Variants in MGAT5B observed in about 807,000 individuals in gnomAD.
MGAT5B encodes the protein N-acetylglucosaminyl-transferase Vb.
A neutral mutation model predicts 95.1 loss-of-function variants in MGAT5B; 54 were observed. The observed-to-expected ratio is 0.57, with a 90% CI of 0.46 to 0.71. MGAT5B has a LOEUF of 0.71. MGAT5B is among the 30% of genes least tolerant of loss of function. The pLI is 0.00. For missense variants in MGAT5B, 935 were observed against 1,088.6 expected, an observed-to-expected ratio of 0.86 and a Z score of 1.99; for synonymous variants, 464 against 451.0, an observed-to-expected ratio of 1.03 and a Z score of -0.36.
At chr17:76,926,485 G>A in intron 9 of MGAT5B, 112 bp from the exon 10 acceptor site, 1 of 1,056,484 alleles carries the variant, frequency 9.5e-7, no homozygotes, top group Non-Finnish European at 1.4e-6. Context: ...CACACACTGT[G>A]CTACTCTGAC....
Position 76,869,119 on chromosome 17 carries a change from T to A in MGAT5B, c.68+22T>A. 6.2e-7 allele frequency: 1 copy of A among 1,611,466 alleles called. No homozygotes were observed. On this transcript the variant is annotated intron_variant, in intron 1 of 17. Coordinates refer to ENST00000569840, the MANE Select transcript of MGAT5B (RefSeq NM_001199172.2). This position sits in a 1 kb window ranked among gnomAD's most constrained non-coding sequence, Gnocchi z 7.0. ...TTCGGTAAAGTTCCCTCCTGGTTGGTTTTTTCCCCAGGGGGGCGCCGGGTG... is the reference window on the plus strand; with the variant it reads ...TTCGGTAAAGTTCCCTCCTGGTTGGATTTTTCCCCAGGGGGGCGCCGGGTG...
intron 11 of MGAT5B, among the ~76,000 whole-genome samples, 194 bp from the exon 12 acceptor site, chr17:76,933,098 G>T (rs771227335): frequency 4.5e-4 from 69 of 152,226 alleles, no homozygotes; most frequent in Admixed American, 1.4e-3. Context: ...GTGGATGGGG[G>T]GGTGGTCAGG....
At chr17:76,936,145 C>T (rs761573283) in intron 12 of MGAT5B, among the ~76,000 whole-genome samples, 1 of 151,736 alleles carries the variant, frequency 6.6e-6, no homozygotes. Context: ...CGGTGGCTCA[C>T]GCCTGTAATC....
intron 15 of MGAT5B, 172 bp from the exon 16 acceptor site, chr17:76,946,204 G>T: frequency 1.8e-6 from 1 of 556,532 alleles, no homozygotes; most frequent in Admixed American, 3.3e-5. Flanking sequence ...GGTGTGCGGG[G>T]AACGGGGACT....
chr17:76,884,236 G>A (rs565559181), intron 3 of MGAT5B, among the ~76,000 whole-genome samples: 2 of 152,260 alleles, frequency 1.3e-5, no homozygotes, highest in East Asian at 3.9e-4. Flanking sequence ...TAATCTCCCA[G>A]AGGAAGAAAC....
intron 8 of MGAT5B, among the ~76,000 whole-genome samples, chr17:76,921,740 G>C (rs571120833): frequency 6.6e-6 from 1 of 152,156 alleles, no homozygotes; most frequent in Non-Finnish European, 1.5e-5. Flanking sequence ...GGGAAGCCTC[G>C]GAAAGGGTCA....
At position 76,870,752 on chromosome 17, in the gene MGAT5B, G is replaced by A. The variant is rs1375265576; in HGVS notation, c.68+1655G>A. 6.6e-6 allele frequency among the ~76,000 whole-genome samples: 1 copy of A among 152,078 alleles called. No individual in the cohort carries two copies. The highest frequency in any genetic ancestry group is 2.4e-5 in the African/African-American group (1 of 41,414). ...GTGAGTCCCTTCAGTTGAGGTGGGG[G>A]GCAGGCTGCAATCATAGCACCCCAG... On this transcript the variant is annotated intron_variant, in intron 1 of 17. Transcript: ENST00000569840. The surrounding 1 kb of genome is among the most constrained non-coding windows in gnomAD (Gnocchi z 5.0).
intron 13 of MGAT5B, among the ~76,000 whole-genome samples, chr17:76,939,025 T>TGA (rs1969766470): frequency 7.8e-6 from 1 of 128,882 alleles, no homozygotes; most frequent in Non-Finnish European, 1.6e-5. Flanking sequence ...CAAGGCATCT[T>TGA]GGGGGTGTGT....
chr17:76,875,981 GA>G (rs1407118578), intron 2 of MGAT5B, among the ~76,000 whole-genome samples: 1 of 152,094 alleles, frequency 6.6e-6, no homozygotes, highest in African/African-American at 2.4e-5. Context: ...GGAGGAGACA[GA>G]CAAGAAAAGG....
At chr17:76,925,632 A>G (rs1969289150) in intron 9 of MGAT5B, among the ~76,000 whole-genome samples, 1 of 152,054 alleles carries the variant, frequency 6.6e-6, no homozygotes, top group Non-Finnish European at 1.5e-5. Context: ...TGACGATCCC[A>G]CATGATTTTA....
In MGAT5B at chr17:76,904,327, A is replaced by G. The variant is rs1251131953; in HGVS notation, c.595A>G (p.Ile199Val). ...GVDGTECSFL[I>V]YLSEVEWFCP... ...GGACGGCACCGAGTGCTCCTTCCTC[A>G]TCTACCTCAGTGAGGTCGAGTGGTT... The change falls in exon 6 of 18, where the codon ATC becomes GTC. Residue 199 changes from isoleucine (I) to valine (V), a missense_variant. Ile to Val is a conservative substitution (Grantham distance 29). Transcript: ENST00000569840. The G allele has an allele frequency of 1.2e-6, 2 of 1,607,974 alleles. No homozygotes were observed. Among genetic ancestry groups the G allele is most frequent in the Non-Finnish European group, 1.7e-6 (2 of 1,177,530 alleles).
rs1970033077 is a variant in MGAT5B at position 76,946,463 on chromosome 17, T to A, written c.1923+13T>A. ...CATCCAGCACCAGGTCAGTGAGCCC[T>A]CTGGTCCCTGCCCCAGATCCTGTCA... On this transcript the variant is annotated intron_variant, in intron 16 of 17. Transcript: ENST00000569840. 1 of 1,571,822 alleles carries A rather than the reference T, an allele frequency of 6.4e-7. No homozygotes were observed. Among genetic ancestry groups the A allele is most frequent in the Admixed American group, 1.8e-5 (1 of 56,104 alleles).
In MGAT5B at chr17:76,925,111, C is replaced by A. The variant is rs754796569; in HGVS notation, c.1157+14C>A. On this transcript the variant is annotated intron_variant, in intron 9 of 17. Coordinates refer to ENST00000569840, the MANE Select transcript of MGAT5B (RefSeq NM_001199172.2). ...CAAGAAGTACCGGTGAGAGGGCGGC[C>A]AGAGGGTGGGCACGTGGCCCACATG... 2 of 1,610,246 alleles carry A rather than the reference C, an allele frequency of 1.2e-6. No homozygotes were observed. Among genetic ancestry groups the A allele is most frequent in the Non-Finnish European group, 1.7e-6 (2 of 1,179,016 alleles).
At position 76,925,805 on chromosome 17, in the gene MGAT5B, A is replaced by G. The variant is rs184824929; in HGVS notation, c.1157+708A>G. On this transcript the variant is annotated intron_variant, in intron 9 of 17. Coordinates refer to ENST00000569840, the MANE Select transcript of MGAT5B (RefSeq NM_001199172.2). Reference sequence around the variant, plus strand: ...GGTCACCAGGAAGGACGCTGGGGTGAGGAGCTCCTTGCAGGGCCTCTGAGT... The same window carrying G: ...GGTCACCAGGAAGGACGCTGGGGTGGGGAGCTCCTTGCAGGGCCTCTGAGT... Among the ~76,000 whole-genome samples, 306 of 152,294 alleles carry G rather than the reference A, an allele frequency of 2.0e-3. 2 individuals are homozygous for G. The highest frequency in any genetic ancestry group is 6.9e-3 in the African/African-American group (286 of 41,570).
intron 3 of MGAT5B, among the ~76,000 whole-genome samples, chr17:76,883,588 G>T (rs969801454): frequency 2.0e-5 from 3 of 152,178 alleles, no homozygotes; most frequent in African/African-American, 7.2e-5. Flanking sequence ...GGCCCCTAGA[G>T]GTGGATGTGG....
chr17:76,946,190 G>C, intron 15 of MGAT5B, 186 bp from the exon 16 acceptor site: 1 of 537,394 alleles, frequency 1.9e-6, no homozygotes. Context: ...GAGGGCTACT[G>C]GAGGGTGTGC....
intron 8 of MGAT5B, chr17:76,923,964 G>A (rs971651063): frequency 1.3e-5 from 2 of 152,230 alleles, no homozygotes; most frequent in Non-Finnish European, 1.5e-5. Context: ...TCAGGGGCTC[G>A]GCATAGACTT....
chr17:76,925,199 A>G lies in MGAT5B; in HGVS notation c.1157+102A>G, dbSNP rs371258136. 1.7e-5 allele frequency: 25 copies of G among 1,445,334 alleles called. 1 individual carries two copies. The African/African-American group carries it at 1.9e-4, about 11-fold the overall frequency. 89.5% of individuals were successfully genotyped at this position (1,445,334 alleles called of 1,614,324 possible). ...CGTCCCCACTCAGCCAGCTGGGCCC[A>G]GGTGGGAGAACATACTGTCCTGCAT... is the stretch of plus-strand genomic sequence containing the variant. On this transcript the variant is annotated intron_variant, in intron 9 of 17. Coordinates refer to ENST00000569840, the MANE Select transcript of MGAT5B (RefSeq NM_001199172.2).
At chr17:76,946,101 C>T (rs577610192) in intron 15 of MGAT5B, 46 of 366,930 alleles carry the variant, frequency 1.3e-4, no homozygotes, top group African/African-American at 2.2e-5. Flanking sequence ...GCTTTATCCT[C>T]ATTGCAGTTG....
Sources: allele counts gnomAD v4.1 joint callset (sites outside exome capture counted in the v4.1 genomes callset), GRCh38; gene constraint gnomAD v4.1.1; non-coding constraint Gnocchi (gnomAD v3.1); transcripts MANE v1.5; gene names NCBI Gene and HGNC (gene_info 2026-07-23, HGNC 2026-07-21).